Variants in AHI1 observed in about 807,000 individuals in gnomAD.
AHI1 encodes the protein Abelson helper integration site 1.
A neutral mutation model predicts 149.3 loss-of-function variants in AHI1; 123 were observed. The observed-to-expected ratio is 0.82, with a 90% CI of 0.71 to 0.96. The LOEUF (loss-of-function observed/expected upper bound fraction) is 0.96, where lower values mean the gene tolerates loss of function less well. Ranked by LOEUF, AHI1 falls within the 40% of genes least tolerant of loss-of-function variation. AHI1 has a pLI of 0.00. For missense variants in AHI1, 1,439 were observed against 1,422.7 expected (o/e 1.01, Z -0.18); for synonymous variants, 475 against 459.8 (o/e 1.03, Z -0.42).
chr6:135,413,872 T>C (rs1015105839), intron 20 of AHI1, among the ~76,000 whole-genome samples: 1 of 152,122 alleles, frequency 6.6e-6, no homozygotes, highest in African/African-American at 2.4e-5. Flanking sequence ...CAATTTGTCA[T>C]TGTGTTCATG....
intron 15 of AHI1, among the ~76,000 whole-genome samples, chr6:135,434,445 T>G (rs1785097065): frequency 6.6e-6 from 1 of 151,962 alleles, no homozygotes; most frequent in African/African-American, 2.4e-5. Context: ...CCACTAATTT[T>G]GGGAAAATAT....
chr6:135,402,804 T>C (rs1780207252), intron 22 of AHI1, among the ~76,000 whole-genome samples: 1 of 152,222 alleles, frequency 6.6e-6, no homozygotes, highest in Non-Finnish European at 1.5e-5. Context: ...TTTAAGAATA[T>C]AGTATATAAT....
At position 135,447,093 on chromosome 6, in the gene AHI1, C is replaced by T. The variant is rs372894716; in HGVS notation, c.1694G>A (p.Arg565His). The change falls in exon 13 of 29, where the codon CGT (arginine) becomes CAT (histidine). Residue 565 changes from arginine (R) to histidine (H), a missense_variant. By Grantham distance (29) the Arg-to-His change is conservative (BLOSUM62 0). Coordinates refer to ENST00000265602, the MANE Select transcript of AHI1 (RefSeq NM_001134831.2). ...GTCTACTGAGCTTGACTCATGGTGA[C>T]GTTCACAATGCACTGGTTTACCTTT... The part of the protein sequence containing the change: ...EEKGKPVHCE[R>H]HHESSSVDTE... The T allele has an allele frequency of 4.8e-5, 77 of 1,611,960 alleles. 1 individual carries two copies. Among genetic ancestry groups the T allele is most frequent in the East Asian group, 1.3e-4 (6 of 44,748 alleles).
chr6:135,416,605 A>G (rs1782420400), intron 20 of AHI1, among the ~76,000 whole-genome samples: 1 of 152,098 alleles, frequency 6.6e-6, no homozygotes, highest in Non-Finnish European at 1.5e-5. Flanking sequence ...CATATTATTC[A>G]TTGGAAAAAA....
intron 23 of AHI1, among the ~76,000 whole-genome samples, chr6:135,377,982 T>C (rs1456876840): frequency 6.6e-6 from 1 of 152,140 alleles, no homozygotes; most frequent in African/African-American, 2.4e-5. Context: ...TATTGAAAAA[T>C]AATGTTTTCT....
intron 18 of AHI1, 123 bp downstream of exon 18, chr6:135,429,759 G>A: frequency 1.9e-6 from 1 of 525,480 alleles, no homozygotes; most frequent in East Asian, 3.2e-5. Flanking sequence ...GATACTGCCA[G>A]ATGTTCCTTG....
At chr6:135,427,608 T>C (rs752138561) in intron 19 of AHI1, among the ~76,000 whole-genome samples, 5 of 151,530 alleles carry the variant, frequency 3.3e-5, no homozygotes, top group African/African-American at 7.3e-5. Flanking sequence ...AGATTGGAGA[T>C]TGGACAGAGC....
At chr6:135,442,189 T>C (rs564221965) in intron 14 of AHI1, among the ~76,000 whole-genome samples, 8 of 152,050 alleles carry the variant, frequency 5.3e-5, no homozygotes, top group Non-Finnish European at 1.2e-4. Context: ...TTATTGGTAT[T>C]CCACTACACA....
At chr6:135,415,890 G>A (rs979929619) in intron 20 of AHI1, among the ~76,000 whole-genome samples, 1 of 152,042 alleles carries the variant, frequency 6.6e-6, no homozygotes, top group Admixed American at 6.6e-5. Context: ...TAAGTGAAAG[G>A]AGCCAGATAA....
chr6:135,327,670 G>GC (rs1787906857), intron 24 of AHI1, among the ~76,000 whole-genome samples: 1 of 152,078 alleles, frequency 6.6e-6, no homozygotes, highest in Admixed American at 6.5e-5. Flanking sequence ...CTGCCCCAAG[G>GC]TAGGGCTCTA....
chr6:135,493,310 T>C (rs1050678024), intron 3 of AHI1, among the ~76,000 whole-genome samples: 1 of 152,202 alleles, frequency 6.6e-6, no homozygotes, highest in Non-Finnish European at 1.5e-5. Context: ...AAGGCATTAT[T>C]GGTTAATGCT....
At chr6:135,465,771 G>C (rs1199265235) in intron 7 of AHI1, 43 bp downstream of exon 7, 4 of 1,402,234 alleles carry the variant, frequency 2.9e-6, no homozygotes, top group Non-Finnish European at 3.8e-6. Flanking sequence ...AAATAACAGT[G>C]TTTTTCTAAG....
chr6:135,363,538 T>C (rs1187910601), intron 23 of AHI1, among the ~76,000 whole-genome samples: 2 of 152,156 alleles, frequency 1.3e-5, no homozygotes, highest in East Asian at 1.9e-4. Flanking sequence ...ATTGTCATCA[T>C]GGCCTGTTCT....
chr6:135,358,948 A>G (rs1422144377), intron 23 of AHI1, among the ~76,000 whole-genome samples: 1 of 152,218 alleles, frequency 6.6e-6, no homozygotes, highest in Non-Finnish European at 1.5e-5. Context: ...GCAAACTAAC[A>G]TATAATTTAG....
intron 23 of AHI1, chr6:135,387,983 A>C (rs1426700514): frequency 6.2e-7 from 1 of 1,613,810 alleles, no homozygotes; most frequent in East Asian, 2.2e-5. Flanking sequence ...CCCTGAGTCT[A>C]GTGCTTTTTC....
chr6:135,415,310 G>T (rs919046254), intron 20 of AHI1, among the ~76,000 whole-genome samples: 1 of 152,050 alleles, frequency 6.6e-6, no homozygotes, highest in Admixed American at 6.6e-5. Context: ...ATGATTTATA[G>T]TCCTTTGGGT....
intron 27 of AHI1, among the ~76,000 whole-genome samples, chr6:135,296,444 T>C (rs1783103830): frequency 1.3e-5 from 2 of 152,220 alleles, no homozygotes; most frequent in Non-Finnish European, 1.5e-5. Context: ...AGAAGTCTTA[T>C]AATAGTATAT....
At chr6:135,480,205 A>C (rs1290498245) in intron 5 of AHI1, among the ~76,000 whole-genome samples, 1 of 152,162 alleles carries the variant, frequency 6.6e-6, no homozygotes, top group East Asian at 1.9e-4. Flanking sequence ...CACGCCTGTA[A>C]TTGCACTTTG....
intron 5 of AHI1, among the ~76,000 whole-genome samples, chr6:135,484,639 C>T (rs572032962): frequency 2.0e-5 from 3 of 152,090 alleles, no homozygotes; most frequent in East Asian, 3.9e-4. Flanking sequence ...CCTTCTTATT[C>T]CACATTATGT....
Sources: gnomAD v4.1 joint callset for allele counts (sites outside exome capture counted in the v4.1 genomes callset) on GRCh38, gnomAD v4.1.1 for gene constraint, MANE v1.5 for transcripts, NCBI Gene and HGNC (gene_info 2026-07-23, HGNC 2026-07-21) for gene names.